The following NIM1K variants were observed in gnomAD, a reference collection of about 807,000 sequenced individuals.
The protein encoded by NIM1K is NIM1 serine/threonine protein kinase, also known as serine/threonine-protein kinase NIM1.
A neutral mutation model predicts 37.1 loss-of-function variants in NIM1K; 35 were observed. That is an observed-to-expected ratio of 0.94 (90% CI 0.72 to 1.25). NIM1K has a LOEUF of 1.25. NIM1K is among the 50% of genes most tolerant of loss of function. NIM1K has a pLI of 0.00. For synonymous variants in NIM1K, 234 were observed against 206.6 expected (o/e 1.13, Z -1.14); for missense variants, 564 against 548.0 (o/e 1.03, Z -0.29).
At chr5:43,214,813 C>CAAAAAAAAAAAAA (rs369233525) in intron 1 of NIM1K, among the ~76,000 whole-genome samples, 2 of 71,724 alleles carry the variant, frequency 2.8e-5, no homozygotes, top group Non-Finnish European at 5.2e-5. Context: ...GACTCCGTCT[C>CAAAAAAAAAAAAA]AAAAAAAAAA....
Position 43,249,044 on chromosome 5 carries a change from T to TTTTATTTA in NIM1K, c.292+3013_292+3020dup, listed in dbSNP as rs58657107. Among the ~76,000 whole-genome samples, 626 of 139,182 alleles carry TTTTATTTA rather than the reference T, an allele frequency of 4.5e-3. 4 individuals are homozygous for TTTTATTTA. The highest frequency in any genetic ancestry group is 8.2e-3 in the South Asian group (34 of 4,136). 91.3% of individuals were successfully genotyped at this position (139,182 alleles called of 152,430 possible). A position where few individuals can be genotyped will look rare whatever the true frequency, so the allele number is the denominator to read the frequency against. ...GTGCCACCTTGCCCGGCTAGTTTAT[T>TTTTATTTA]TTTATTTATTTATTTATTTATTTAT... On this transcript the variant is annotated intron_variant, in intron 2 of 3. Transcript: ENST00000326035.
intron 1 of NIM1K, chr5:43,206,781 C>G (rs1752119794): frequency 1.3e-6 from 1 of 766,192 alleles, no homozygotes; most frequent in Non-Finnish European, 2.4e-6. Flanking sequence ...TCTAAAAGGC[C>G]TCCAGTCCAT....
intron 1 of NIM1K, among the ~76,000 whole-genome samples, chr5:43,224,194 G>A (rs766037190): frequency 7.3e-5 from 11 of 151,580 alleles, no homozygotes; most frequent in Non-Finnish European, 1.6e-4. Flanking sequence ...GTGAGCCACC[G>A]CACCCGGCCT....
chr5:43,219,292 T>G (rs1053460986), intron 1 of NIM1K, among the ~76,000 whole-genome samples: 7 of 152,218 alleles, frequency 4.6e-5, no homozygotes, highest in African/African-American at 1.4e-4. Flanking sequence ...GGTGTGGTAG[T>G]GCATACCTGT....
intron 1 of NIM1K, among the ~76,000 whole-genome samples, chr5:43,210,531 G>A (rs1306950736): frequency 1.3e-5 from 2 of 152,100 alleles, no homozygotes; most frequent in African/African-American, 4.8e-5. Flanking sequence ...AATACTCTGG[G>A]GCACCACGGA....
chr5:43,223,993 A>C (rs1002233153), intron 1 of NIM1K, among the ~76,000 whole-genome samples: 4 of 152,216 alleles, frequency 2.6e-5, no homozygotes, highest in African/African-American at 9.7e-5. Context: ...GAGGGTTAAA[A>C]AAAAATCCAT....
chr5:43,261,829 G>A (rs145015856), intron 2 of NIM1K, among the ~76,000 whole-genome samples: 1,707 of 152,160 alleles, frequency 0.011, 20 homozygotes, highest in Non-Finnish European at 0.018. Context: ...TCTACATATG[G>A]CCAGCCAGTT....
chr5:43,218,887 T>G (rs952970179), intron 1 of NIM1K, among the ~76,000 whole-genome samples: 1 of 152,096 alleles, frequency 6.6e-6, no homozygotes, highest in African/African-American at 2.4e-5. Context: ...ATGGTTTGGC[T>G]GTGTACCCAC....
intron 1 of NIM1K, among the ~76,000 whole-genome samples, chr5:43,196,636 A>AAAATAAAT (rs374709704): frequency 2.0e-5 from 3 of 151,590 alleles, no homozygotes; most frequent in African/African-American, 4.9e-5. Context: ...CTCTGTCTCA[A>AAAATAAAT]AAATAAATAA....
chr5:43,213,165 T>TTTCTTTCTTTCTTTC (rs1752229273), intron 1 of NIM1K, among the ~76,000 whole-genome samples: 1 of 39,082 alleles, frequency 2.6e-5, no homozygotes, highest in Non-Finnish European at 5.4e-5. Context: ...TTCTTTCTTT[T>TTTCTTTCTTTCTTTC]TTTCTTTCTT....
chr5:43,272,193 C>T (rs1379278461), intron 2 of NIM1K, among the ~76,000 whole-genome samples: 1 of 152,138 alleles, frequency 6.6e-6, no homozygotes, highest in Non-Finnish European at 1.5e-5. Flanking sequence ...GACCATAACC[C>T]TAATGTTTCA....
At chr5:43,217,870 A>G (rs4866730) in intron 1 of NIM1K, among the ~76,000 whole-genome samples, 3 of 152,024 alleles carry the variant, frequency 2.0e-5, no homozygotes, top group Non-Finnish European at 4.4e-5. Context: ...TGCCACCATG[A>G]CTGGCTAATT....
chr5:43,262,515 G>A lies in NIM1K; in HGVS notation c.293-14542G>A, dbSNP rs112346177. On this transcript the variant is annotated intron_variant, in intron 2 of 3. Coordinates refer to ENST00000326035, the MANE Select transcript of NIM1K (RefSeq NM_153361.4). ...GCTTAAGGAGATTTGCGGCTGAGAC[G>A]ATGGGGTTTTCTAGATATACAATCA... 2.6e-5 allele frequency among the ~76,000 whole-genome samples: 4 copies of A among 152,248 alleles called. 1 individual carries two copies. Among genetic ancestry groups the A allele is most frequent in the African/African-American group, 4.8e-5 (2 of 41,544 alleles).
At chr5:43,207,001 T>C in intron 1 of NIM1K, 1 of 753,128 alleles carries the variant, frequency 1.3e-6, no homozygotes. Context: ...GTCAGGACAG[T>C]ACTGGGCGGG....
chr5:43,264,860 T>A (rs189098790), intron 2 of NIM1K, among the ~76,000 whole-genome samples: 5 of 152,324 alleles, frequency 3.3e-5, no homozygotes, highest in African/African-American at 1.2e-4. Flanking sequence ...AAGGATTTTA[T>A]TTCTTCTTCA....
intron 1 of NIM1K, among the ~76,000 whole-genome samples, chr5:43,222,469 C>T (rs973380223): frequency 6.6e-6 from 1 of 152,028 alleles, no homozygotes; most frequent in Non-Finnish European, 1.5e-5. Context: ...TGGCTCACAC[C>T]TGTAATCTTA....
chr5:43,226,033 G>A (rs1193273164), intron 1 of NIM1K, among the ~76,000 whole-genome samples: 1 of 152,210 alleles, frequency 6.6e-6, no homozygotes, highest in Admixed American at 6.5e-5. Flanking sequence ...AGGAGCAGTA[G>A]GAATTTGCAG....
chr5:43,207,688 T>C, intron 1 of NIM1K: 1 of 537,756 alleles, frequency 1.9e-6, no homozygotes, highest in Non-Finnish European at 3.6e-6. Context: ...AGCTGGAGAA[T>C]TCTTCATAGA....
chr5:43,263,714 G>C (rs1257979829), intron 2 of NIM1K, among the ~76,000 whole-genome samples: 1 of 152,034 alleles, frequency 6.6e-6, no homozygotes, highest in African/African-American at 2.4e-5. Flanking sequence ...TGTGATGTTA[G>C]GGTGTCAATT....
Sources: gnomAD v4.1 joint callset for allele counts (sites outside exome capture counted in the v4.1 genomes callset) on GRCh38, gnomAD v4.1.1 for gene constraint, MANE v1.5 for transcripts, NCBI Gene and HGNC (gene_info 2026-07-23, HGNC 2026-07-21) for gene names.